The following MALRD1 variants were observed in gnomAD, a reference collection of about 807,000 sequenced individuals.
MALRD1 encodes MAM and LDL receptor class A domain containing 1, also known as MAM and LDL-receptor class A domain-containing protein 1.
A neutral mutation model predicts 242.1 loss-of-function variants in MALRD1; 247 were observed. That is an observed-to-expected ratio of 1.02 (90% CI 0.92 to 1.13). The LOEUF is 1.13. Ranked by LOEUF, MALRD1 falls within the 50% of genes most tolerant of loss-of-function variation. The pLI is 0.00. For synonymous variants in MALRD1, 995 were observed against 866.6 expected, an observed-to-expected ratio of 1.15 and a Z score of -2.60; for missense variants, 2,989 against 2,533.1, an observed-to-expected ratio of 1.18 and a Z score of -3.86.
intron 18 of MALRD1, among the ~76,000 whole-genome samples, chr10:19,243,061 C>T (rs1397738000): frequency 7.4e-6 from 1 of 134,948 alleles, no homozygotes; most frequent in Non-Finnish European, 1.6e-5. Context: ...TGTTTCTTTT[C>T]CCTTTTTTTT....
chr10:19,717,181 G>C (rs769614546), intron 38 of MALRD1, among the ~76,000 whole-genome samples: 4 of 152,088 alleles, frequency 2.6e-5, no homozygotes, highest in Non-Finnish European at 5.9e-5. Context: ...GTTCTGCTCC[G>C]AGATGAAAAA....
intron 29 of MALRD1, among the ~76,000 whole-genome samples, chr10:19,481,999 A>G (rs922271525): frequency 6.6e-6 from 1 of 152,012 alleles, no homozygotes; most frequent in African/African-American, 2.4e-5. Flanking sequence ...TAGTTGCTCA[A>G]TACATGTTTC....
chr10:19,290,726 C>T (rs1252302360), intron 21 of MALRD1, among the ~76,000 whole-genome samples: 2 of 152,096 alleles, frequency 1.3e-5, no homozygotes, highest in African/African-American at 4.8e-5. Context: ...GAGTTCTCTT[C>T]AGCTGAGAAA....
At chr10:19,487,498 G>A (rs1373994799) in intron 29 of MALRD1, among the ~76,000 whole-genome samples, 1 of 145,314 alleles carries the variant, frequency 6.9e-6, no homozygotes, top group Non-Finnish European at 1.5e-5. Context: ...CCCTTATTTA[G>A]AGATGTAGCC....
intron 36 of MALRD1, among the ~76,000 whole-genome samples, chr10:19,657,008 G>A (rs140291458): frequency 3.4e-4 from 51 of 152,184 alleles, no homozygotes; most frequent in African/African-American, 1.1e-3. Context: ...GATACGGATC[G>A]AATAATATTT....
chr10:19,103,954 G>A, intron 4 of MALRD1, 25 bp from the exon 5 acceptor site: 9 of 1,215,192 alleles, frequency 7.4e-6, no homozygotes, highest in Non-Finnish European at 8.2e-6. Context: ...TTTTTGTTTT[G>A]TTTTGTTTTG....
intron 28 of MALRD1, among the ~76,000 whole-genome samples, chr10:19,444,665 GTGGAAAGATCCATTGTTA>G (rs1834862971): frequency 1.3e-5 from 2 of 152,178 alleles, no homozygotes; most frequent in Admixed American, 1.3e-4. Flanking sequence ...TAGACTTTCT[GTGGAAAGATCCATTGTTA>G]ATCTGATGGG....
At chr10:19,095,501 G>GCACTTAAGT (rs1835993750) in intron 4 of MALRD1, among the ~76,000 whole-genome samples, 1 of 152,104 alleles carries the variant, frequency 6.6e-6, no homozygotes, top group Admixed American at 6.5e-5. Flanking sequence ...AAGCCATCAG[G>GCACTTAAGT]CACTTAAGTC....
intron 38 of MALRD1, among the ~76,000 whole-genome samples, chr10:19,703,401 G>T (rs896185868): frequency 6.6e-6 from 1 of 152,156 alleles, no homozygotes; most frequent in African/African-American, 2.4e-5. Context: ...AGGCACTCTC[G>T]TGGCAGGGAT....
chr10:19,473,161 C>T (rs1836576813), intron 29 of MALRD1, among the ~76,000 whole-genome samples: 1 of 52,530 alleles, frequency 1.9e-5, no homozygotes, highest in Non-Finnish European at 3.8e-5. Flanking sequence ...AGGTTATGAA[C>T]AAGCTTTCAC....
Position 19,486,794 on chromosome 10 carries a change from G to A in MALRD1, c.5030-4723G>A, listed in dbSNP as rs769206093. ...GTGTAATGAACTCTGTGTACAAAACGATTTTAATCCAAATTGAAATTTATA... is the reference window on the plus strand; with the variant it reads ...GTGTAATGAACTCTGTGTACAAAACAATTTTAATCCAAATTGAAATTTATA... On this transcript the variant is annotated intron_variant, in intron 29 of 39. Coordinates refer to ENST00000454679, the MANE Select transcript of MALRD1 (RefSeq NM_001142308.3). 5.3e-5 allele frequency among the ~76,000 whole-genome samples: 8 copies of A among 152,036 alleles called. No individual in the cohort carries two copies. The East Asian group carries it at 5.8e-4, about 11-fold the overall frequency.
At position 19,734,151 on chromosome 10, in the gene MALRD1, C is replaced by T. The variant is rs559255055; in HGVS notation, c.6391-6C>T. 71 of 1,528,666 alleles carry T rather than the reference C, an allele frequency of 4.6e-5. No homozygotes were observed. Among genetic ancestry groups the T allele is most frequent in the Middle Eastern group, 1.7e-4 (1 of 5,978 alleles). The allele number at this position is 1,528,666 out of a possible 1,614,324, so 94.7% of individuals were successfully genotyped here. A position where few individuals can be genotyped will look rare whatever the true frequency, so the allele number is the denominator to read the frequency against. On this transcript the variant is annotated splice_region_variant and splice_polypyrimidine_tract_variant and intron_variant, in intron 39 of 39. Coordinates refer to ENST00000454679, the MANE Select transcript of MALRD1 (RefSeq NM_001142308.3). ...CCACCCTTTCAAATGTGTTTTTCTT[C>T]GTCAGAGTTCTGTCTATTCCTTCTC...
At chr10:19,499,445 GAAA>G (rs869219398) in intron 31 of MALRD1, among the ~76,000 whole-genome samples, 3 of 116,644 alleles carry the variant, frequency 2.6e-5, no homozygotes, top group Non-Finnish European at 5.8e-5. Context: ...GGCCTGAATA[GAAA>G]AAAAAAAAAA....
At chr10:19,052,605 C>T (rs752498619) in intron 1 of MALRD1, among the ~76,000 whole-genome samples, 5 of 152,184 alleles carry the variant, frequency 3.3e-5, no homozygotes, top group Non-Finnish European at 5.9e-5. Flanking sequence ...TTCCGTGCAA[C>T]AACAGCCCTC....
At chr10:19,362,916 G>A (rs773224401) in intron 26 of MALRD1, among the ~76,000 whole-genome samples, 6 of 152,048 alleles carry the variant, frequency 3.9e-5, no homozygotes, top group African/African-American at 7.2e-5. Flanking sequence ...TAGATGTGAG[G>A]TGAGAGGTAA....
intron 25 of MALRD1, among the ~76,000 whole-genome samples, chr10:19,349,268 C>A (rs1844265104): frequency 6.6e-6 from 1 of 152,168 alleles, no homozygotes; most frequent in Non-Finnish European, 1.5e-5. Context: ...GCCCAACTTA[C>A]ACTTCTCTGT....
At chr10:19,110,742 C>A (rs554602979) in intron 5 of MALRD1, among the ~76,000 whole-genome samples, 2 of 152,212 alleles carry the variant, frequency 1.3e-5, no homozygotes, top group South Asian at 2.1e-4. Context: ...TGGTTCTTGA[C>A]CCTGATCCCT....
intron 12 of MALRD1, among the ~76,000 whole-genome samples, chr10:19,157,866 C>T (rs1200757993): frequency 6.6e-6 from 1 of 151,970 alleles, no homozygotes; most frequent in Non-Finnish European, 1.5e-5. Flanking sequence ...TCGTGAGTTG[C>T]CATTTCTAAC....
chr10:19,529,524 A>T (rs1834247036), intron 31 of MALRD1, among the ~76,000 whole-genome samples: 1 of 123,812 alleles, frequency 8.1e-6, no homozygotes, highest in South Asian at 3.2e-4. Context: ...TTAAAAAACC[A>T]GAGAAGACAG....
Sources: gnomAD v4.1 joint callset for allele counts (sites outside exome capture counted in the v4.1 genomes callset) on GRCh38, gnomAD v4.1.1 for gene constraint, MANE v1.5 for transcripts, NCBI Gene and HGNC (gene_info 2026-07-23, HGNC 2026-07-21) for gene names.